Variants in TRIM39 observed in about 807,000 individuals in gnomAD.
TRIM39 encodes the protein tripartite motif containing 39.
In TRIM39, 5 loss-of-function variants were observed where a neutral mutation model predicts 53.6. The observed-to-expected ratio is 0.09, with a 90% CI of 0.05 to 0.20. TRIM39 has a LOEUF of 0.20. Among genes scored for constraint, TRIM39 ranks in the 10% least tolerant of loss-of-function variants. The probability of loss-of-function intolerance (pLI) is 1.00; values close to 1 mark genes in which losing one functional copy is unlikely to be tolerated. For missense variants in TRIM39, 310 were observed against 621.0 expected, an observed-to-expected ratio of 0.50 and a Z score of 5.32; for synonymous variants, 196 against 237.6, an observed-to-expected ratio of 0.82 and a Z score of 1.61.
chr6:30,341,068 T>C (rs563513982), intron 7 of TRIM39, among the ~76,000 whole-genome samples: 1 of 152,078 alleles, frequency 6.6e-6, no homozygotes, highest in South Asian at 2.1e-4. Context: ...ATTAGCCAGA[T>C]GTGGTGTTGG....
At chr6:30,332,827 C>A (rs188126116) in intron 4 of TRIM39, among the ~76,000 whole-genome samples, 64 of 152,284 alleles carry the variant, frequency 4.2e-4, no homozygotes, top group East Asian at 2.7e-3. Flanking sequence ...ACCAACATTC[C>A]TCTTGTGACC....
At position 30,335,658 on chromosome 6, in the gene TRIM39, T is replaced by C; in HGVS notation, c.550-87T>C. The C allele has an allele frequency of 6.8e-7, 1 of 1,465,070 alleles. No homozygotes were observed. The allele number at this position is 1,465,070 out of a possible 1,614,324, so 90.8% of individuals were successfully genotyped here. On this transcript the variant is annotated intron_variant, in intron 4 of 7. Transcript: ENST00000396551. The surrounding 1 kb of genome is among the most constrained non-coding windows in gnomAD (Gnocchi z 4.7). ...CATTTTCAATGAAACTGGAAGTCTG[T>C]GTTAATTCATACATATGGTGGGTGA...
chr6:30,337,605 G>C (rs950049990), intron 5 of TRIM39, among the ~76,000 whole-genome samples: 1 of 152,162 alleles, frequency 6.6e-6, no homozygotes, highest in African/African-American at 2.4e-5. Flanking sequence ...CAGGTGTACT[G>C]TCATGTAGGC....
rs1219317012 is a variant in TRIM39, at chr6:30,339,521, A to G, written c.781-387A>G. The stretch of plus-strand genomic sequence containing the variant: ...TAACAGGAATGTGTGATTTGTTCCT[A>G]TGCCACCAGTCTGGAACTCTCTGTA... On this transcript the variant is annotated intron_variant, in intron 5 of 7. Coordinates refer to ENST00000396551, the Ensembl canonical transcript of TRIM39. The surrounding 1 kb of genome is among the most constrained non-coding windows in gnomAD (Gnocchi z 4.2). 6.6e-6 allele frequency among the ~76,000 whole-genome samples: 1 copy of G among 152,194 alleles called. No homozygotes were observed.
At position 30,342,625 on chromosome 6, in the gene TRIM39, C is replaced by G. The variant is rs887041921; in HGVS notation, c.*366C>G. The G allele has an allele frequency of 3.0e-6, 1 of 331,552 alleles. No homozygotes were observed. Among genetic ancestry groups the G allele is most frequent in the South Asian group, 5.3e-5 (1 of 18,896 alleles). The allele number at this position is 331,552 out of a possible 1,614,324, so 20.5% of individuals were successfully genotyped here. On this transcript the variant is annotated 3_prime_UTR_variant, in exon 8 of 8. Coordinates refer to ENST00000396551, the Ensembl canonical transcript of TRIM39. This position sits in a 1 kb window ranked among gnomAD's most constrained non-coding sequence, Gnocchi z 4.7. ...CAAACCAGAGGAGGAAACAGAAACCCCTGCACATCTTTTTAGGGGGTTCTT... is the reference window on the plus strand; with the variant it reads ...CAAACCAGAGGAGGAAACAGAAACCGCTGCACATCTTTTTAGGGGGTTCTT...
rs1233044941 is a variant in TRIM39 at position 30,339,862 on chromosome 6, A to T, written c.781-46A>T. On this transcript the variant is annotated intron_variant, in intron 5 of 7. Coordinates refer to ENST00000396551, the Ensembl canonical transcript of TRIM39. The surrounding 1 kb of genome is among the most constrained non-coding windows in gnomAD (Gnocchi z 4.2). ...GGGGGAACCTTTTGCCTTCAGGACC[A>T]CTGAATACCAGGACCAATATTGCTT... 2 of 1,613,670 alleles carry T rather than the reference A, an allele frequency of 1.2e-6. No homozygotes were observed. The highest frequency in any genetic ancestry group is 1.7e-5 in the Admixed American group (1 of 59,974).
chr6:30,337,373 C>G (rs1478844013), intron 5 of TRIM39, among the ~76,000 whole-genome samples: 3 of 152,058 alleles, frequency 2.0e-5, no homozygotes, highest in Non-Finnish European at 4.4e-5. Flanking sequence ...CAGTTGCACT[C>G]CTGCCTGGGT....
rs973243732 is a variant in TRIM39, at chr6:30,335,722, CA to C, written c.550-21del. The C allele has an allele frequency of 1.2e-6, 2 of 1,610,004 alleles. No homozygotes were observed. The highest frequency in any genetic ancestry group is 1.7e-6 in the Non-Finnish European group (2 of 1,178,686). On this transcript the variant is annotated intron_variant, in intron 4 of 7. Coordinates refer to ENST00000396551, the Ensembl canonical transcript of TRIM39. The surrounding 1 kb of genome is among the most constrained non-coding windows in gnomAD (Gnocchi z 4.7). ...TTATACCACACTGACCCTGCTGATACAACATCTTCCCTCTCTTCTCAGAGAC... is the reference window on the plus strand; with the variant it reads ...TTATACCACACTGACCCTGCTGATACACATCTTCCCTCTCTTCTCAGAGAC...
At chr6:30,330,465 G>A (rs1015479123) in intron 3 of TRIM39, among the ~76,000 whole-genome samples, 1 of 152,162 alleles carries the variant, frequency 6.6e-6, no homozygotes, top group African/African-American at 2.4e-5. Context: ...AGGTTGCTTG[G>A]ATGGTAATAG....
At chr6:30,340,168 C>A in intron 6 of TRIM39, 1 of 1,132,742 alleles carries the variant, frequency 8.8e-7, no homozygotes, top group Non-Finnish European at 1.3e-6. Context: ...AAGGTAGAAT[C>A]AGATTCTACT....
In TRIM39 at chr6:30,342,086, C is replaced by T; in HGVS notation, c.1294C>T (p.Leu432=). Residue 432 remains leucine (L), a synonymous_variant, in exon 8 of 8, where the codon CTA becomes TTA. Coordinates refer to ENST00000396551, the Ensembl canonical transcript of TRIM39. This position sits in a 1 kb window ranked among gnomAD's most constrained non-coding sequence, Gnocchi z 4.7. Reference sequence around the variant, plus strand: ...GAAACCCAAGCGGGTAGGCATATTCCTAGACTATGAGGCCGGCACACTGTC... The same window carrying T: ...GAAACCCAAGCGGGTAGGCATATTCTTAGACTATGAGGCCGGCACACTGTC... 1.2e-6 allele frequency: 2 copies of T among 1,613,106 alleles called. No homozygotes were observed. Among genetic ancestry groups the T allele is most frequent in the Non-Finnish European group, 1.7e-6 (2 of 1,180,032 alleles).
intron 7 of TRIM39, among the ~76,000 whole-genome samples, chr6:30,340,948 C>G (rs1787446974): frequency 6.6e-6 from 1 of 152,198 alleles, no homozygotes; most frequent in Non-Finnish European, 1.5e-5. Context: ...TGGCTCACAT[C>G]TGTAATCCTA....
intron 7 of TRIM39, among the ~76,000 whole-genome samples, chr6:30,341,207 CAAA>C (rs113344801): frequency 0.011 from 764 of 72,512 alleles, 5 homozygotes; most frequent in African/African-American, 0.029. Context: ...GATTCCATCT[CAAA>C]AAAAAAAAAA....
chr6:30,340,165 A>C, intron 6 of TRIM39: 1 of 1,117,370 alleles, frequency 8.9e-7, no homozygotes, highest in Non-Finnish European at 1.4e-6. Flanking sequence ...GATAAGGTAG[A>C]ATCAGATTCT....
chr6:30,330,934 T>C (rs1265914051), intron 4 of TRIM39, 58 bp downstream of exon 4: 1 of 1,569,530 alleles, frequency 6.4e-7, no homozygotes, highest in Non-Finnish European at 8.7e-7. Flanking sequence ...ATGAGGGAAT[T>C]AACTGTACAC....
In TRIM39 at chr6:30,328,912, C is replaced by T. The variant is rs191524798; in HGVS notation, c.-137C>T. 10 of 176,682 alleles carry T rather than the reference C, an allele frequency of 5.7e-5. No homozygotes were observed. The East Asian group carries it at 1.0e-3, about 19-fold the overall frequency. 10.9% of individuals were successfully genotyped at this position (176,682 alleles called of 1,614,324 possible). A position where few individuals can be genotyped will look rare whatever the true frequency, so the allele number is the denominator to read the frequency against. ...AGATTCCTTTCTTGTCTGTTAGAAA[C>T]GTATGTCAAACGAGGATACAGTGTC... is the stretch of plus-strand genomic sequence containing the variant. On this transcript the variant is annotated 5_prime_UTR_variant, in exon 2 of 8. In the 5' UTR this introduces an upstream ATG that the reference lacks. Transcript: ENST00000396551.
chr6:30,327,228 G>C (rs1020998932), intron 1 of TRIM39: 11 of 152,652 alleles, frequency 7.2e-5, no homozygotes, highest in African/African-American at 2.7e-4. Context: ...CACCTCCCCG[G>C]GTGAAACTCT....
chr6:30,331,005 C>T (rs1443862266), intron 4 of TRIM39, 129 bp downstream of exon 4: 1 of 1,125,768 alleles, frequency 8.9e-7, no homozygotes, highest in Non-Finnish European at 1.3e-6. Context: ...CATGGTGGCT[C>T]ACACCTGTAA....
At position 30,339,927 on chromosome 6, in the gene TRIM39, A is replaced by T; in HGVS notation, c.800A>T (p.Glu267Val). The change falls in exon 6 of 8, where the codon GAA becomes GTA. Residue 267 changes from glutamate to valine, a missense_variant. Transcript: ENST00000396551. The surrounding 1 kb of genome is among the most constrained non-coding windows in gnomAD (Gnocchi z 4.2). ...TTCTAGGATGTCAAAAGTACCCTGG[A>T]AAAGTAAGTGATTGTTGTATCTCTC... 1 of 1,614,144 alleles carries T rather than the reference A, an allele frequency of 6.2e-7. No individual in the cohort carries two copies. The highest frequency in any genetic ancestry group is 2.2e-5 in the East Asian group (1 of 44,884).
Sources: gnomAD v4.1 joint callset for allele counts (sites outside exome capture counted in the v4.1 genomes callset) on GRCh38, gnomAD v4.1.1 for gene constraint, Gnocchi (gnomAD v3.1) non-coding constraint, MANE v1.5 for transcripts, NCBI Gene and HGNC (gene_info 2026-07-23, HGNC 2026-07-21) for gene names.